The following STX8 variants were observed in gnomAD, a reference collection of about 807,000 sequenced individuals.
STX8 encodes syntaxin 8, also known as syntaxin-8.
A neutral mutation model predicts 37.5 loss-of-function variants in STX8; 23 were observed. The ratio of observed to expected loss-of-function variants is 0.61; its 90% CI spans 0.44 to 0.87. The LOEUF is 0.87. Among genes scored for constraint, STX8 ranks in the 40% least tolerant of loss-of-function variants. The pLI is 0.00. For synonymous variants in STX8, 115 were observed against 99.1 expected (o/e 1.16, Z -0.95); for missense variants, 313 against 284.7 (o/e 1.10, Z -0.71).
At chr17:9,306,433 T>C (rs1252515365) in intron 7 of STX8, among the ~76,000 whole-genome samples, 1 of 151,600 alleles carries the variant, frequency 6.6e-6, no homozygotes, top group Non-Finnish European at 1.5e-5. Flanking sequence ...GTATTGGTGA[T>C]TGAAGTAAAT....
At chr17:9,570,208 T>C (rs750447218) in intron 1 of STX8, among the ~76,000 whole-genome samples, 25 of 152,126 alleles carry the variant, frequency 1.6e-4, no homozygotes, top group Non-Finnish European at 3.2e-4. Flanking sequence ...GATAAGTGTT[T>C]TTTTTTAAAT....
intron 7 of STX8, among the ~76,000 whole-genome samples, chr17:9,336,679 C>T (rs1445828702): frequency 4.6e-5 from 7 of 152,254 alleles, no homozygotes; most frequent in Admixed American, 4.6e-4. Flanking sequence ...TGTGATCCAC[C>T]CACCTCGGCC....
chr17:9,431,037 T>A (rs1913947760), intron 6 of STX8, among the ~76,000 whole-genome samples: 1 of 151,302 alleles, frequency 6.6e-6, no homozygotes, highest in South Asian at 2.1e-4. Flanking sequence ...GGTTTTTTTT[T>A]AGTAGAGATG....
intron 7 of STX8, among the ~76,000 whole-genome samples, chr17:9,296,629 TAAAAA>T (rs56185238): frequency 7.1e-6 from 1 of 140,318 alleles, no homozygotes; most frequent in African/African-American, 2.6e-5. Flanking sequence ...GTTGAAAGAC[TAAAAA>T]AAAAAAAAAA....
chr17:9,347,400 T>C (rs1910569369), intron 7 of STX8, among the ~76,000 whole-genome samples: 1 of 152,224 alleles, frequency 6.6e-6, no homozygotes, highest in Non-Finnish European at 1.5e-5. Context: ...TTTTTTCCTT[T>C]TTAAAAATAA....
Position 9,360,663 on chromosome 17 carries a change from TA to T in STX8, c.643+17888del, listed in dbSNP as rs59129684. Among the ~76,000 whole-genome samples, 719 of 133,368 alleles carry T rather than the reference TA, an allele frequency of 5.4e-3. 2 individuals are homozygous for T. Among genetic ancestry groups the T allele is most frequent in the East Asian group, 0.019 (86 of 4,638 alleles). 87.5% of individuals were successfully genotyped at this position (133,368 alleles called of 152,430 possible). A position where few individuals can be genotyped will look rare whatever the true frequency, so the allele number is the denominator to read the frequency against. ...CAAGAAAAAAAATATTTATTAGTGT[TA>T]AAAAAAAAAAAAAAAAGACTGTAGA... On this transcript the variant is annotated intron_variant, in intron 7 of 7. Transcript: ENST00000306357.
At chr17:9,461,187 A>C (rs1905372955) in intron 6 of STX8, 1 of 152,078 alleles carries the variant, frequency 6.6e-6, no homozygotes, top group Admixed American at 6.6e-5. Context: ...ACAGCTCCTG[A>C]AAAAATGGTT....
chr17:9,541,087 A>G (rs1906258808), intron 4 of STX8, among the ~76,000 whole-genome samples: 1 of 152,214 alleles, frequency 6.6e-6, no homozygotes, highest in Admixed American at 6.5e-5. Context: ...CCTGACACTA[A>G]CCTGCCAAAT....
chr17:9,278,377 A>G (rs1478751598), intron 7 of STX8, among the ~76,000 whole-genome samples: 1 of 151,828 alleles, frequency 6.6e-6, no homozygotes, highest in Non-Finnish European at 1.5e-5. Flanking sequence ...TGAACCCGGG[A>G]GGCGGAGGTT....
chr17:9,459,690 T>C (rs1206621897), intron 6 of STX8, among the ~76,000 whole-genome samples: 1 of 152,138 alleles, frequency 6.6e-6, no homozygotes, highest in African/African-American at 2.4e-5. Flanking sequence ...TAATTTTTTG[T>C]ATTTTCAGTA....
At chr17:9,337,810 C>T (rs981625896) in intron 7 of STX8, among the ~76,000 whole-genome samples, 6 of 152,008 alleles carry the variant, frequency 3.9e-5, no homozygotes, top group Non-Finnish European at 5.9e-5. Flanking sequence ...TGGGTAGAGG[C>T]GGGAATGTGT....
At chr17:9,428,959 A>C (rs1011198948) in intron 6 of STX8, among the ~76,000 whole-genome samples, 1 of 152,156 alleles carries the variant, frequency 6.6e-6, no homozygotes, top group African/African-American at 2.4e-5. Context: ...AGAAAATGCA[A>C]CCAATGAGGC....
intron 1 of STX8, among the ~76,000 whole-genome samples, chr17:9,571,149 G>A (rs371677799): frequency 6.6e-6 from 1 of 152,164 alleles, no homozygotes; most frequent in African/African-American, 2.4e-5. Flanking sequence ...GCCCTAAAGA[G>A]GTTATGAGAA....
At chr17:9,529,982 C>T (rs1905747874) in intron 4 of STX8, among the ~76,000 whole-genome samples, 1 of 152,012 alleles carries the variant, frequency 6.6e-6, no homozygotes, top group African/African-American at 2.4e-5. Context: ...CGTAGCAAGA[C>T]CCTGTCTCTA....
At chr17:9,546,629 T>C (rs1906539046) in intron 3 of STX8, among the ~76,000 whole-genome samples, 1 of 115,160 alleles carries the variant, frequency 8.7e-6, no homozygotes, top group Non-Finnish European at 1.7e-5. Flanking sequence ...GACGGAGCCT[T>C]GTTCTGTCTA....
intron 7 of STX8, among the ~76,000 whole-genome samples, chr17:9,278,048 C>G (rs528896068): frequency 6.6e-6 from 1 of 152,068 alleles, no homozygotes; most frequent in Non-Finnish European, 1.5e-5. Flanking sequence ...GGTATGGTGT[C>G]CAGGTCCAAG....
chr17:9,545,228 T>C lies in STX8; in HGVS notation c.267A>G (p.Arg89=). 6.2e-7 allele frequency: 1 copy of C among 1,614,190 alleles called. No homozygotes were observed. Among genetic ancestry groups the C allele is most frequent in the African/African-American group, 1.3e-5 (1 of 75,056 alleles). The change falls in exon 4 of 8, where the codon CGA becomes CGG. Residue 89 remains arginine (R), a synonymous_variant. Transcript: ENST00000306357. ...TAAAGGATGCCAGAAGTAGTCTCTC[T>C]CGAGTTACAAGATCATCCAAGAGGT... ...RQNLLDDLVT[R]ERLLLASFKN...
intron 3 of STX8, among the ~76,000 whole-genome samples, chr17:9,556,523 C>T (rs753137130): frequency 1.3e-5 from 2 of 151,808 alleles, no homozygotes; most frequent in Admixed American, 6.6e-5. Flanking sequence ...CTCACTGCAA[C>T]CTCCGCCTCC....
intron 6 of STX8, among the ~76,000 whole-genome samples, chr17:9,414,087 C>T (rs868461936): frequency 1.8e-4 from 11 of 61,730 alleles, no homozygotes; most frequent in African/African-American, 4.6e-4. Flanking sequence ...TCTGTCCATC[C>T]ATCCATCCAT....
Sources: allele counts gnomAD v4.1 joint callset (sites outside exome capture counted in the v4.1 genomes callset), GRCh38; gene constraint gnomAD v4.1.1; transcripts MANE v1.5; gene names NCBI Gene and HGNC (gene_info 2026-07-23, HGNC 2026-07-21).